Variants in CTSB observed in about 807,000 individuals in gnomAD.
CTSB encodes cathepsin B, also known as APP secretase.
CTSB carries 57 observed loss-of-function variants against 44.3 expected under a neutral mutation model. The observed-to-expected ratio is 1.29, with a 90% CI of 1.04 to 1.60. The LOEUF (loss-of-function observed/expected upper bound fraction) is 1.60. Among genes scored for constraint, CTSB ranks in the 40% most tolerant of loss-of-function variants. The pLI is 0.00. For missense variants in CTSB, 768 were observed against 443.0 expected (o/e 1.73, Z -6.59); for synonymous variants, 320 against 168.0 (o/e 1.91, Z -7.00).
At chr8:11,845,832 T>C in intron 8 of CTSB, 43 bp from the exon 9 acceptor site, 1 of 1,568,848 alleles carries the variant, frequency 6.4e-7, no homozygotes, top group Non-Finnish European at 8.7e-7. Context: ...CGGGCCACTG[T>C]CCCACGCCCC....
At chr8:11,846,820 C>G (rs1223454221) in intron 8 of CTSB, among the ~76,000 whole-genome samples, 1 of 152,086 alleles carries the variant, frequency 6.6e-6, no homozygotes, top group African/African-American at 2.4e-5. Flanking sequence ...CCCAGAGGCT[C>G]TGGGAGAGGC....
At chr8:11,863,031 G>T (rs969485585) in intron 1 of CTSB, among the ~76,000 whole-genome samples, 5 of 152,168 alleles carry the variant, frequency 3.3e-5, no homozygotes, top group African/African-American at 1.2e-4. Context: ...ATCAGTTCTG[G>T]GCTGAGCACA....
At chr8:11,850,151 T>C (rs1393567123) in intron 4 of CTSB, 1 of 152,200 alleles carries the variant, frequency 6.6e-6, no homozygotes, top group East Asian at 1.9e-4. Context: ...CTGGGCACGG[T>C]GGCTCACGCC....
At chr8:11,865,093 C>G (rs1292428976) in intron 1 of CTSB, among the ~76,000 whole-genome samples, 1 of 152,204 alleles carries the variant, frequency 6.6e-6, no homozygotes. Flanking sequence ...GCCTGCCACC[C>G]TGATATCCCA....
intron 8 of CTSB, among the ~76,000 whole-genome samples, 199 bp from the exon 9 acceptor site, chr8:11,845,988 G>C (rs1736083): frequency 6.6e-6 from 1 of 152,258 alleles, no homozygotes; most frequent in South Asian, 2.1e-4. Flanking sequence ...CACACTCAAA[G>C]TTGTTGAGTA....
At chr8:11,860,483 C>T (rs568810180) in intron 1 of CTSB, among the ~76,000 whole-genome samples, 3 of 152,106 alleles carry the variant, frequency 2.0e-5, no homozygotes, top group East Asian at 1.9e-4. Flanking sequence ...ATTAGCCAGG[C>T]GTGGTGGTTG....
intron 1 of CTSB, among the ~76,000 whole-genome samples, chr8:11,856,721 A>C (rs749583036): frequency 1.3e-5 from 2 of 152,134 alleles, no homozygotes; most frequent in African/African-American, 2.4e-5. Flanking sequence ...TGAGGACCAT[A>C]AGCATCTGAC....
rs200926074 is a variant in CTSB, at chr8:11,849,081, G to A, written c.411C>T (p.Asp137=). The change falls in exon 5 of 10, where the codon GAC becomes GAT. Residue 137 remains aspartate (D), a synonymous_variant. Transcript: ENST00000353047. ...ACATGCTGCCACAGCATGTGAGCAGGTCCTCCGCCGACACCTCCACGCTGA... is the reference window on the plus strand; with the variant it reads ...ACATGCTGCCACAGCATGTGAGCAGATCCTCCGCCGACACCTCCACGCTGA... ...AHVSVEVSAE[D]LLTCCGSMCG... 229 of 1,613,498 alleles carry A rather than the reference G, an allele frequency of 1.4e-4. 2 individuals carry two copies. The Middle Eastern group carries it at 4.1e-3, about 29-fold the overall frequency.
chr8:11,856,128 T>A (rs962054143), intron 1 of CTSB, among the ~76,000 whole-genome samples: 1 of 151,684 alleles, frequency 6.6e-6, no homozygotes, highest in African/African-American at 2.4e-5. Flanking sequence ...GCTGGACAGT[T>A]TGGCACTTCT....
chr8:11,853,572 C>T, intron 1 of CTSB, 93 bp from the exon 2 acceptor site: 1 of 1,292,428 alleles, frequency 7.7e-7, no homozygotes, highest in Non-Finnish European at 1.0e-6. Flanking sequence ...CAGTGGGGAC[C>T]CCCATGCTCG....
chr8:11,852,763 C>A (rs1814828926), intron 2 of CTSB, 68 bp from the exon 3 acceptor site: 1 of 1,446,860 alleles, frequency 6.9e-7, no homozygotes, highest in East Asian at 2.3e-5. Flanking sequence ...GCTGCCCACA[C>A]ACGAAGCCCA....
chr8:11,858,110 G>C (rs774120402), intron 1 of CTSB, among the ~76,000 whole-genome samples: 5 of 152,166 alleles, frequency 3.3e-5, no homozygotes, highest in Admixed American at 6.5e-5. Context: ...TGGCAGTCAA[G>C]AATGAAATGA....
chr8:11,861,839 G>T (rs576261022), intron 1 of CTSB, among the ~76,000 whole-genome samples: 4 of 152,166 alleles, frequency 2.6e-5, no homozygotes, highest in Non-Finnish European at 4.4e-5. Context: ...TGCAGAACAC[G>T]GCGGTTCCCT....
intron 5 of CTSB, chr8:11,848,814 CTGTT>C: frequency 2.3e-6 from 1 of 444,274 alleles, no homozygotes; most frequent in Non-Finnish European, 4.2e-6. Flanking sequence ...CTGAAACTGA[CTGTT>C]TTGCTGGGAT....
intron 1 of CTSB, chr8:11,867,114 G>A (rs1294586640): frequency 6.6e-6 from 1 of 151,900 alleles, no homozygotes; most frequent in Non-Finnish European, 1.5e-5. Flanking sequence ...GCCTGGGAAG[G>A]GGGTGACAGA....
chr8:11,859,312 T>A (rs570570199), intron 1 of CTSB, among the ~76,000 whole-genome samples: 1 of 152,200 alleles, frequency 6.6e-6, no homozygotes, highest in Admixed American at 6.5e-5. Context: ...CACCCTAGAC[T>A]ACCTTGAAGC....
In CTSB at chr8:11,847,593, C is replaced by A. The variant is rs568987258; in HGVS notation, c.676+86G>T. ...GTTCCGGGACCCCAAGGCTCCTCAG[C>A]CCTGACCTCTTCGCTGCAGCGTGAG... On this transcript the variant is annotated intron_variant, in intron 7 of 9. Transcript: ENST00000353047. 3 of 1,446,522 alleles carry A rather than the reference C, an allele frequency of 2.1e-6. No homozygotes were observed. In the African/African-American group the frequency reaches 4.3e-5, roughly 21 times the overall value. The allele number at this position is 1,446,522 out of a possible 1,614,324, so 89.6% of individuals were successfully genotyped here.
Position 11,853,490 on chromosome 8 carries a change from C to G in CTSB, c.-25-11G>C. ...GGATCCTAGATCCACCTGGAGAGGA[C>G]AGAGGGCATCAGGACACCTCTCTGT... On this transcript the variant is annotated splice_polypyrimidine_tract_variant and intron_variant, in intron 1 of 9. Transcript: ENST00000353047. 1 of 1,603,432 alleles carries G rather than the reference C, an allele frequency of 6.2e-7. No individual in the cohort carries two copies. The highest frequency in any genetic ancestry group is 1.1e-5 in the South Asian group (1 of 90,346).
chr8:11,852,517 G>A, intron 3 of CTSB, 93 bp downstream of exon 3: 1 of 929,166 alleles, frequency 1.1e-6, no homozygotes, highest in Non-Finnish European at 1.6e-6. Context: ...GAGCCCTGCG[G>A]ACGCCAGAGA....
Sources: gnomAD v4.1 joint callset for allele counts (sites outside exome capture counted in the v4.1 genomes callset) on GRCh38, gnomAD v4.1.1 for gene constraint, MANE v1.5 for transcripts, NCBI Gene and HGNC (gene_info 2026-07-23, HGNC 2026-07-21) for gene names.